Variants in CPLANE1 observed in about 807,000 individuals in gnomAD.
CPLANE1 encodes ciliogenesis and planar polarity effector complex subunit 1.
A neutral mutation model predicts 362.5 loss-of-function variants in CPLANE1; 263 were observed. That is an observed-to-expected ratio of 0.73 (90% CI 0.66 to 0.80). CPLANE1 has a LOEUF of 0.80. CPLANE1 is among the 30% of genes least tolerant of loss of function. The pLI is 0.00. For missense variants in CPLANE1, 3,461 were observed against 3,793.4 expected (o/e 0.91, Z 2.30); for synonymous variants, 1,212 against 1,302.6 (o/e 0.93, Z 1.50).
chr5:37,208,939 A>C (rs1791728215), intron 16 of CPLANE1, among the ~76,000 whole-genome samples: 1 of 117,714 alleles, frequency 8.5e-6, no homozygotes, highest in African/African-American at 3.9e-5. Flanking sequence ...TCACAGATGA[A>C]AAAAAAAAAG....
In CPLANE1 at chr5:37,244,581, C is replaced by T. The variant is rs1404949478; in HGVS notation, c.364G>A (p.Val122Ile). The T allele has an allele frequency of 9.0e-6, 14 of 1,550,386 alleles. No homozygotes were observed. The highest frequency in any genetic ancestry group is 3.6e-5 in the South Asian group (3 of 83,828). Residue 122 changes from valine to isoleucine, a missense_variant, in exon 5 of 53, where the codon GTA (valine) becomes ATA (isoleucine). By Grantham distance (29) the Val-to-Ile change is conservative. This residue lies in a region of CPLANE1 where 3,380 missense variants were observed against 3,666.1 expected (regional missense o/e 0.92). Coordinates refer to ENST00000651892, the MANE Select transcript of CPLANE1 (RefSeq NM_001384732.1). ...ACAATTCTTTTCCCATTTCCAGATA[C>T]ATACAAGTACAGTCTCAAAGAGCTT... ...VASSLRLYLY[V>I]SGNGKRIVLI...
In CPLANE1 at chr5:37,195,555, T is replaced by C. The variant is rs558321833; in HGVS notation, c.3811+303A>G. On this transcript the variant is annotated intron_variant, in intron 21 of 52. Transcript: ENST00000651892. ...GGTGTGTTGCAGTGAGTTAAGATCA[T>C]GCCACTGCACTCCAGACTGGGCAAC... is the stretch of plus-strand genomic sequence containing the variant. Among the ~76,000 whole-genome samples the C allele has an allele frequency of 3.1e-4, 46 of 150,304 alleles. 1 individual carries two copies. The South Asian group carries it at 9.3e-3, about 30-fold the overall frequency.
At chr5:37,090,465 T>C in the CPLANE1 span, among the ~76,000 whole-genome samples, 1 of 152,218 alleles carries the variant, frequency 6.6e-6, no homozygotes, top group African/African-American at 2.4e-5. Context: ...AAAAAGCAAT[T>C]CAAAGCAGTA....
At position 37,162,485 on chromosome 5, in the gene CPLANE1, G is replaced by T; in HGVS notation, c.7670C>A (p.Ala2557Glu). ...TTTACCTGGGTCTGTATTTGTACTT[G>T]CATCTTGACTTCCTATAGCTTTCTT... ...VKKKAIGSQD[A>E]STNTDPEHEP... Residue 2557 changes from alanine (A) to glutamate (E), a missense_variant, in exon 38 of 53, where the codon GCA (alanine) becomes GAA (glutamate). Physicochemically the swap from Ala to Glu is moderately radical, Grantham distance 107. Transcript: ENST00000651892. The T allele has an allele frequency of 6.2e-7, 1 of 1,608,894 alleles. No individual in the cohort carries two copies. The highest frequency in any genetic ancestry group is 1.1e-5 in the South Asian group (1 of 90,876).
intron 36 of CPLANE1, among the ~76,000 whole-genome samples, chr5:37,165,306 G>A (rs1777947712): frequency 6.6e-6 from 1 of 152,010 alleles, no homozygotes; most frequent in Admixed American, 6.6e-5. Context: ...AGCCACACAG[G>A]CAGATGCTCT....
At chr5:37,077,313 GTGCTTATCAGCTC>G in the CPLANE1 span, among the ~76,000 whole-genome samples, 1 of 151,968 alleles carries the variant, frequency 6.6e-6, no homozygotes, top group Non-Finnish European at 1.5e-5. Flanking sequence ...GCCCCTTTTT[GTGCTTATCAGCTC>G]TGAGTCTCAA....
At position 37,107,685 on chromosome 5, in the gene CPLANE1, T is replaced by C. The variant is rs762932228; in HGVS notation, c.9673A>G (p.Lys3225Glu). 4 of 1,611,646 alleles carry C rather than the reference T, an allele frequency of 2.5e-6. No homozygotes were observed. The East Asian group carries it at 8.9e-5, about 36-fold the overall frequency. ...VSESTGSILS[K>E]LDWNAIEDMV... ...TCTTCGATGGCATTCCAGTCCAGCT[T>C]GCTGAGGATGCTGCCAGTGCTCTCA... The change falls in exon 53 of 53, where the codon AAG (lysine) becomes GAG (glutamate). Residue 3225 changes from lysine to glutamate, a missense_variant. Physicochemically the swap from Lys to Glu is moderately conservative, Grantham distance 56. This residue lies in a region of CPLANE1 where 81 missense variants were observed against 127.3 expected (regional missense o/e 0.64). Coordinates refer to ENST00000651892, the MANE Select transcript of CPLANE1 (RefSeq NM_001384732.1).
At chr5:37,194,085 C>T (rs1311321865) in intron 21 of CPLANE1, among the ~76,000 whole-genome samples, 1 of 151,996 alleles carries the variant, frequency 6.6e-6, no homozygotes, top group Non-Finnish European at 1.5e-5. Context: ...CTATGCCTGG[C>T]TAATTTTTTG....
chr5:37,137,088 A>C (rs1452318822), intron 46 of CPLANE1, among the ~76,000 whole-genome samples: 1 of 152,062 alleles, frequency 6.6e-6, no homozygotes, highest in East Asian at 1.9e-4. Flanking sequence ...TTTATATTGC[A>C]CTGTCAGCCT....
rs923533942 is a variant in CPLANE1 at position 37,115,034 on chromosome 5, G to A, written c.9326C>T (p.Thr3109Ile). The A allele has an allele frequency of 6.2e-7, 1 of 1,607,242 alleles. No homozygotes were observed. The highest frequency in any genetic ancestry group is 1.1e-5 in the South Asian group (1 of 90,216). The change falls in exon 51 of 53, where the codon ACC becomes ATC. Residue 3109 changes from threonine (T) to isoleucine (I), a missense_variant. Physicochemically the swap from Thr to Ile is moderately conservative, Grantham distance 89. Coordinates refer to ENST00000651892, the MANE Select transcript of CPLANE1 (RefSeq NM_001384732.1). ...SPWPHGTATF[T>I]IQKKAGGAKA... ...GGCTCCACCAGCTTTTTTCTGTATG[G>A]TGAAAGTGGCAGTTCCTATACAGAG...
intron 17 of CPLANE1, 98 bp downstream of exon 17, chr5:37,206,099 C>G (rs1580723678): frequency 1.2e-6 from 1 of 845,648 alleles, no homozygotes; most frequent in African/African-American, 1.7e-5. Context: ...CAATGCTGAA[C>G]TAAGGATTCC....
At chr5:37,224,443 A>C (rs1376479932) in intron 13 of CPLANE1, 89 bp downstream of exon 13, 3 of 1,316,642 alleles carry the variant, frequency 2.3e-6, no homozygotes, top group Non-Finnish European at 3.1e-6. Context: ...TATTTTGAAA[A>C]ACAAATCATT....
chr5:37,093,327 G>A, the CPLANE1 span, among the ~76,000 whole-genome samples: 5 of 152,200 alleles, frequency 3.3e-5, 1 homozygote, highest in South Asian at 1.0e-3. Flanking sequence ...GCCACAAGAT[G>A]CACTGGCATT....
chr5:37,144,714 G>T (rs925725517), intron 43 of CPLANE1, among the ~76,000 whole-genome samples: 2 of 151,716 alleles, frequency 1.3e-5, no homozygotes, highest in Admixed American at 1.3e-4. Context: ...AGCCGGGCGC[G>T]GTGGCGGGCA....
rs1780428216 is a variant in CPLANE1, at chr5:37,173,764, T to A, written c.6162A>T (p.Lys2054Asn). The change falls in exon 32 of 53, where the codon AAA becomes AAT. Residue 2054 changes from lysine to asparagine, a missense_variant. Lys to Asn is a moderately conservative substitution (Grantham distance 94, BLOSUM62 0). Transcript: ENST00000651892. ...ATAGAGATGTGCTTACCTGAACTAA[T>A]TTAAACATTTCATCTTGCAGCATCT... ...VRQMLQDEMF[K>N]LVQLQQINFM... 1.2e-6 allele frequency: 2 copies of A among 1,614,050 alleles called. No individual in the cohort carries two copies. The highest frequency in any genetic ancestry group is 1.7e-6 in the Non-Finnish European group (2 of 1,179,926).
chr5:37,180,176 G>T lies in CPLANE1; in HGVS notation c.5578C>A (p.Pro1860Thr), dbSNP rs1272777983. 5 of 1,467,128 alleles carry T rather than the reference G, an allele frequency of 3.4e-6. No homozygotes were observed. The highest frequency in any genetic ancestry group is 1.5e-5 in the South Asian group (1 of 67,910). The allele number at this position is 1,467,128 out of a possible 1,614,324, so 90.9% of individuals were successfully genotyped here. A position where few individuals can be genotyped will look rare whatever the true frequency, so the allele number is the denominator to read the frequency against. Residue 1860 changes from proline to threonine, a missense_variant, in exon 28 of 53, where the codon CCA becomes ACA. Around this residue, in one of 2 missense-constraint regions of CPLANE1, gnomAD observed 3,380 missense variants for 3,666.1 expected, o/e 0.92. Coordinates refer to ENST00000651892, the MANE Select transcript of CPLANE1 (RefSeq NM_001384732.1). ...ATATCAGGATTTTTTGCTTCAGTTGGCATTCTACTGAAAAAAATGCAGCAA... is the reference window on the plus strand; with the variant it reads ...ATATCAGGATTTTTTGCTTCAGTTGTCATTCTACTGAAAAAAATGCAGCAA... ...KSCQNILNRM[P>T]TEAKNPDIKE... is the part of the protein sequence containing the mutation.
chr5:37,076,766 T>TTTCTC, the CPLANE1 span, among the ~76,000 whole-genome samples: 1 of 151,200 alleles, frequency 6.6e-6, no homozygotes, highest in African/African-American at 2.4e-5. Context: ...CTTGAGTTAT[T>TTTCTC]TTCTCTATTA....
chr5:37,157,579 G>A, intron 40 of CPLANE1, 91 bp downstream of exon 40: 1 of 1,194,268 alleles, frequency 8.4e-7, no homozygotes, highest in Non-Finnish European at 1.2e-6. Flanking sequence ...TGGGTTTGTA[G>A]GAGGAGAGGT....
chr5:37,223,994 A>ACC (rs917666797), intron 14 of CPLANE1, among the ~76,000 whole-genome samples: 1 of 152,234 alleles, frequency 6.6e-6, no homozygotes, highest in Non-Finnish European at 1.5e-5. Flanking sequence ...TTTTAGTGTT[A>ACC]CCAATTCCAA....
Sources: allele counts gnomAD v4.1 joint callset (sites outside exome capture counted in the v4.1 genomes callset), GRCh38; gene constraint gnomAD v4.1.1; regional missense constraint gnomAD v4.1.1; transcripts MANE v1.5; gene names NCBI Gene and HGNC (gene_info 2026-07-23, HGNC 2026-07-21).